The following UVSSA variants were observed in gnomAD, a reference collection of about 807,000 sequenced individuals.
UVSSA encodes the protein UV-stimulated scaffold protein A.
UVSSA carries 72 observed loss-of-function variants against 73.9 expected under a neutral mutation model. The ratio of observed to expected loss-of-function variants is 0.97; its 90% CI spans 0.81 to 1.19. The LOEUF (loss-of-function observed/expected upper bound fraction) is 1.19. Among genes scored for constraint, UVSSA ranks in the 50% most tolerant of loss-of-function variants. The pLI is 0.00. For missense variants in UVSSA, 1,150 were observed against 965.0 expected, an observed-to-expected ratio of 1.19 and a Z score of -2.54; for synonymous variants, 454 against 391.3, an observed-to-expected ratio of 1.16 and a Z score of -1.89.
intron 13 of UVSSA, 82 bp downstream of exon 13, chr4:1,384,022 A>T: frequency 1.4e-6 from 2 of 1,459,342 alleles, no homozygotes; most frequent in Non-Finnish European, 1.8e-6. Context: ...GAGCGCCAAG[A>T]TATTCCAGGG....
intron 7 of UVSSA, among the ~76,000 whole-genome samples, chr4:1,356,374 C>T (rs562286251): frequency 6.6e-6 from 1 of 152,122 alleles, no homozygotes; most frequent in Non-Finnish European, 1.5e-5. Context: ...GGTGTGCAGC[C>T]CCCCCAGGGG....
intron 13 of UVSSA, 29 bp downstream of exon 13, chr4:1,383,969 C>T (rs1641048895): frequency 6.3e-7 from 1 of 1,593,344 alleles, no homozygotes; most frequent in Non-Finnish European, 8.5e-7. Flanking sequence ...TCACCTCCCA[C>T]CGCGTGGCCC....
rs760091498 is a variant in UVSSA, at chr4:1,380,912, C to T, written c.1785C>T (p.Asp595=). Residue 595 remains aspartate, a synonymous_variant, in exon 12 of 14, where the codon GAC becomes GAT. Coordinates refer to ENST00000389851, the MANE Select transcript of UVSSA (RefSeq NM_020894.4). ...TCCATGGGAAGATTGTTCCACGGGA[C>T]GACGAAGGACGGCCGCTCGACCCGG... is the stretch of plus-strand genomic sequence containing the variant. ...CPFHGKIVPR[D]DEGRPLDPED... 9.9e-6 allele frequency: 16 copies of T among 1,613,036 alleles called. No individual in the cohort carries two copies. The East Asian group carries it at 1.1e-4, about 11-fold the overall frequency.
intron 12 of UVSSA, 33 bp from the exon 13 acceptor site, chr4:1,383,733 A>T (rs530395535): frequency 1.2e-6 from 2 of 1,611,330 alleles, no homozygotes; most frequent in African/African-American, 2.7e-5. Flanking sequence ...TCAGTGCCAG[A>T]CGTCTCCTGA....
chr4:1,367,555 T>C (rs1717495690), intron 8 of UVSSA, among the ~76,000 whole-genome samples: 1 of 152,168 alleles, frequency 6.6e-6, no homozygotes, highest in Admixed American at 6.5e-5. Context: ...TGCTGTCTTC[T>C]GCCCTGGGGC....
chr4:1,364,021 G>C (rs1235236659), intron 7 of UVSSA, among the ~76,000 whole-genome samples: 185 of 71,972 alleles, frequency 2.6e-3, no homozygotes, highest in East Asian at 0.01. Flanking sequence ...CCTCCCGGCA[G>C]GGTGCTGGTG....
At chr4:1,365,891 C>T (rs1162418117) in intron 7 of UVSSA, among the ~76,000 whole-genome samples, 1 of 152,122 alleles carries the variant, frequency 6.6e-6, no homozygotes, top group East Asian at 1.9e-4. Context: ...GACGCACCTG[C>T]TCCACCTGGT....
intron 8 of UVSSA, among the ~76,000 whole-genome samples, chr4:1,374,089 G>A (rs183910629): frequency 2.6e-5 from 4 of 152,304 alleles, no homozygotes; most frequent in African/African-American, 7.2e-5. Flanking sequence ...GGATTCCGCC[G>A]GGGCCAGGAC....
chr4:1,349,715 A>G lies in UVSSA; in HGVS notation c.290A>G (p.Gln97Arg), dbSNP rs1441927269. The change falls in exon 3 of 14, where the codon CAG becomes CGG. Residue 97 changes from glutamine (Q) to arginine (R), a missense_variant. Coordinates refer to ENST00000389851, the MANE Select transcript of UVSSA (RefSeq NM_020894.4). ...CTCACGCTGGGCACAGACCCCGCAC[A>G]GCCTCTGCCGCCCCCCAGGGAGGCG... is the stretch of plus-strand genomic sequence containing the variant. ...LELTLGTDPA[Q>R]PLPPPREAAQ... 10 of 1,613,764 alleles carry G rather than the reference A, an allele frequency of 6.2e-6. No individual in the cohort carries two copies. In the African/African-American group the frequency reaches 1.1e-4, roughly 17 times the overall value.
chr4:1,361,852 A>ATT lies in UVSSA; in HGVS notation c.1177-4452_1177-4451dup, dbSNP rs59450439. Among the ~76,000 whole-genome samples the ATT allele has an allele frequency of 1.2e-3, 170 of 143,050 alleles. 1 individual carries two copies. The highest frequency in any genetic ancestry group is 3.9e-3 in the African/African-American group (152 of 39,176). 93.8% of individuals were successfully genotyped at this position (143,050 alleles called of 152,430 possible). On this transcript the variant is annotated intron_variant, in intron 7 of 13. Coordinates refer to ENST00000389851, the MANE Select transcript of UVSSA (RefSeq NM_020894.4). ...CACTTGTCTGACGAGGCCTTACATC[A>ATT]TTTTTTTTTTTTTTTTTATAAAAAG...
rs1715553943 is a variant in UVSSA, at chr4:1,355,325, G to C, written c.1176+80G>C. The C allele has an allele frequency of 1.1e-5, 16 of 1,403,880 alleles. No individual in the cohort carries two copies. In the South Asian group the frequency reaches 2.0e-4, roughly 17 times the overall value. The allele number at this position is 1,403,880 out of a possible 1,614,324, so 87.0% of individuals were successfully genotyped here. A position where few individuals can be genotyped will look rare whatever the true frequency, so the allele number is the denominator to read the frequency against. ...AGAAGCTGTGGGGGGGTTGTGCCCT[G>C]GGCCTGTGGGCCCGGCGGACCCCAG... On this transcript the variant is annotated intron_variant, in intron 7 of 13. Transcript: ENST00000389851.
rs185686321 is a variant in UVSSA, at chr4:1,349,893, C to T, written c.429+39C>T. 3.4e-5 allele frequency: 51 copies of T among 1,479,694 alleles called. No individual in the cohort carries two copies. In the East Asian group the frequency reaches 1.2e-3, roughly 35 times the overall value. The allele number at this position is 1,479,694 out of a possible 1,614,324, so 91.7% of individuals were successfully genotyped here. ...GCCCATTTTTTCAGAGACTGGTTAC[C>T]TGACGTGAGGAGGGCAGACGATACC... On this transcript the variant is annotated intron_variant, in intron 3 of 13. Transcript: ENST00000389851.
chr4:1,394,847 T>C (rs74518227), exon 14 of UVSSA: 109,977 of 1,406,774 alleles, frequency 0.078, 21,083 homozygotes, highest in South Asian at 0.11. Flanking sequence ...CGTGCCCATG[T>C]GGAGTGCCCG....
chr4:1,381,459 C>G (rs1577378022), intron 12 of UVSSA, among the ~76,000 whole-genome samples: 1 of 152,224 alleles, frequency 6.6e-6, no homozygotes. Flanking sequence ...GCTATGGCGG[C>G]AGGAGTGCGG....
At chr4:1,379,640 G>A (rs936224197) in intron 10 of UVSSA, among the ~76,000 whole-genome samples, 3 of 152,216 alleles carry the variant, frequency 2.0e-5, no homozygotes, top group African/African-American at 7.2e-5. Flanking sequence ...ACCTTCATGT[G>A]GATGCCCCGT....
chr4:1,382,935 CATCACAG>C, intron 12 of UVSSA, among the ~76,000 whole-genome samples: 1 of 152,302 alleles, frequency 6.6e-6, no homozygotes, highest in Non-Finnish European at 1.5e-5. Flanking sequence ...GTCCCATGGC[CATCACAG>C]TCCCGTCAGG....
rs781383333 is a variant in UVSSA at position 1,353,303 on chromosome 4, C to T, written c.824C>T (p.Thr275Ile). ...GGCGGCGGGGCACAGCCATCCCAGACAGCCACAGGTGACCCCTCAGATGAG... is the reference window on the plus strand; with the variant it reads ...GGCGGCGGGGCACAGCCATCCCAGATAGCCACAGGTGACCCCTCAGATGAG... ...RAGGGAQPSQ[T>I]ATGDPSDEDE... The change falls in exon 5 of 14, where the codon ACA (threonine) becomes ATA (isoleucine). Residue 275 changes from threonine to isoleucine, a missense_variant. Thr to Ile is a moderately conservative substitution (Grantham distance 89). Transcript: ENST00000389851. 3.7e-6 allele frequency: 6 copies of T among 1,611,468 alleles called. No individual in the cohort carries two copies. The highest frequency in any genetic ancestry group is 2.2e-5 in the East Asian group (1 of 44,882).
rs1280477810 is a variant in UVSSA, at chr4:1,351,238, G to T, written c.430-477G>T. On this transcript the variant is annotated intron_variant, in intron 3 of 13. Transcript: ENST00000389851. ...CCCCCACCACGCCCGGCTAATTTTT[G>T]TATTTTTAGTAGAGATGGGATTTCA... is the stretch of plus-strand genomic sequence containing the variant. Among the ~76,000 whole-genome samples the T allele has an allele frequency of 3.3e-5, 5 of 149,322 alleles. No individual in the cohort carries two copies. The East Asian group carries it at 9.9e-4, about 30-fold the overall frequency.
chr4:1,356,256 C>T (rs1715724426), intron 7 of UVSSA, among the ~76,000 whole-genome samples: 1 of 152,056 alleles, frequency 6.6e-6, no homozygotes, highest in Non-Finnish European at 1.5e-5. Flanking sequence ...GGTTCCACAG[C>T]AGCAGACGTG....
Sources: allele counts gnomAD v4.1 joint callset (sites outside exome capture counted in the v4.1 genomes callset), GRCh38; gene constraint gnomAD v4.1.1; transcripts MANE v1.5; gene names NCBI Gene and HGNC (gene_info 2026-07-23, HGNC 2026-07-21).